FAM149B1: variants seen among roughly 807,000 people sequenced by gnomAD.
FAM149B1 encodes primary cilium assembly protein FAM149B1.
Under a neutral mutation model 75.3 loss-of-function variants are expected in FAM149B1, and 56 were observed. The ratio of observed to expected loss-of-function variants is 0.74; its 90% CI spans 0.60 to 0.93. FAM149B1 has a LOEUF of 0.93. FAM149B1 is among the 40% of genes least tolerant of loss of function. The pLI, the probability that FAM149B1 is intolerant of heterozygous loss-of-function variation, is 0.00. For missense variants in FAM149B1, 639 were observed against 708.4 expected, an observed-to-expected ratio of 0.90 and a Z score of 1.11; for synonymous variants, 259 against 256.1, an observed-to-expected ratio of 1.01 and a Z score of -0.11.
At chr10:73,177,702 G>A (rs887032997) in intron 2 of FAM149B1, 144 bp from the exon 3 acceptor site, 1 of 666,614 alleles carries the variant, frequency 1.5e-6, no homozygotes, top group Non-Finnish European at 2.4e-6. Flanking sequence ...CAAATTTCAA[G>A]TTCTTCATTT....
intron 5 of FAM149B1, among the ~76,000 whole-genome samples, chr10:73,202,689 TTTTG>T (rs533683756): frequency 8.1e-5 from 12 of 148,820 alleles, no homozygotes; most frequent in Admixed American, 1.3e-4. Context: ...CCTTTTTTTG[TTTTG>T]TTTGTTTGTT....
intron 7 of FAM149B1, among the ~76,000 whole-genome samples, chr10:73,219,861 G>C (rs909589785): frequency 6.6e-6 from 1 of 152,026 alleles, no homozygotes; most frequent in Non-Finnish European, 1.5e-5. Flanking sequence ...ACATTCTTTA[G>C]ATATGACACC....
intron 5 of FAM149B1, among the ~76,000 whole-genome samples, chr10:73,202,572 A>C (rs1341376923): frequency 1.3e-5 from 2 of 151,920 alleles, no homozygotes; most frequent in African/African-American, 4.8e-5. Context: ...AGCTGGGATT[A>C]CAGGTGTGAG....
intron 1 of FAM149B1, among the ~76,000 whole-genome samples, chr10:73,173,498 T>A (rs1484582244): frequency 6.6e-6 from 1 of 152,222 alleles, no homozygotes; most frequent in Non-Finnish European, 1.5e-5. Context: ...TATCCACTCT[T>A]GTCTCCATCC....
chr10:73,183,393 T>A (rs2042447056), intron 3 of FAM149B1: 1 of 152,218 alleles, frequency 6.6e-6, no homozygotes, highest in South Asian at 2.1e-4. Flanking sequence ...ATTTGTGGAT[T>A]ATTGTAAAAT....
At chr10:73,230,711 C>T in intron 9 of FAM149B1, 186 bp downstream of exon 9, 1 of 526,700 alleles carries the variant, frequency 1.9e-6, no homozygotes, top group South Asian at 2.2e-5. Flanking sequence ...AAAGAGAAGA[C>T]ATACGTGGGT....
Position 73,228,098 on chromosome 10 carries a change from G to GAA in FAM149B1, c.939_940dup (p.Ser314LysfsTer6), listed in dbSNP as rs1266756034. ...TGTTGCAGTTACCAGACCCGATTCA[G>GAA]AAAGTTCCTGTGTGCTGAGTGAACT... On this transcript the variant is annotated frameshift_variant, in exon 8 of 14. Coordinates refer to ENST00000242505, the MANE Select transcript of FAM149B1 (RefSeq NM_173348.2). LOFTEE classifies it high-confidence loss of function. 2 of 1,551,514 alleles carry GAA rather than the reference G, an allele frequency of 1.3e-6. No individual in the cohort carries two copies. Among genetic ancestry groups the GAA allele is most frequent in the Admixed American group, 3.9e-5 (2 of 50,994 alleles).
At position 73,242,023 on chromosome 10, in the gene FAM149B1, ATCT is replaced by A. The variant is rs1286028826; in HGVS notation, c.*1006_*1008del. 1 of 152,180 alleles carries A rather than the reference ATCT, an allele frequency of 6.6e-6. No homozygotes were observed. Among genetic ancestry groups the A allele is most frequent in the African/African-American group, 2.4e-5 (1 of 41,432 alleles). The allele number at this position is 152,180 out of a possible 1,614,324, so 9.4% of individuals were successfully genotyped here. A position where few individuals can be genotyped will look rare whatever the true frequency, so the allele number is the denominator to read the frequency against. On this transcript the variant is annotated 3_prime_UTR_variant, in exon 14 of 14. Coordinates refer to ENST00000242505, the MANE Select transcript of FAM149B1 (RefSeq NM_173348.2). ...ATCTTGATTGTCATGCCAGTTTTAG[ATCT>A]TATTAATTTTCAGAATGGATAAATT...
chr10:73,241,234 A>C lies in FAM149B1; in HGVS notation c.*215A>C. 1 of 517,848 alleles carries C rather than the reference A, an allele frequency of 1.9e-6. No individual in the cohort carries two copies. The allele number at this position is 517,848 out of a possible 1,614,324, so 32.1% of individuals were successfully genotyped here. A position where few individuals can be genotyped will look rare whatever the true frequency, so the allele number is the denominator to read the frequency against. ...CTCCAGTTACTGTCTCTTTCAGCAG[A>C]AATTAACCTATCCCATTGGAAAGGC... On this transcript the variant is annotated 3_prime_UTR_variant, in exon 14 of 14. Transcript: ENST00000242505.
chr10:73,235,289 C>T lies in FAM149B1; in HGVS notation c.1573C>T (p.Pro525Ser). 6.4e-7 allele frequency: 1 copy of T among 1,552,072 alleles called. No homozygotes were observed. The highest frequency in any genetic ancestry group is 8.7e-7 in the Non-Finnish European group (1 of 1,147,042). The change falls in exon 12 of 14, where the codon CCC becomes TCC. Residue 525 changes from proline (P) to serine (S), a missense_variant. By Grantham distance (74) the Pro-to-Ser change is moderately conservative. Transcript: ENST00000242505. ...AAGGCTCCTTTTGCCCGACTTTTTCCCCAGGCCCAACACAACTCAATCATT... is the reference window on the plus strand; with the variant it reads ...AAGGCTCCTTTTGCCCGACTTTTTCTCCAGGCCCAACACAACTCAATCATT... Reference protein sequence around the residue: ...QERLLLPDFFPRPNTTQSFLL... With the variant: ...QERLLLPDFFSRPNTTQSFLL...
At chr10:73,178,082 T>C in intron 3 of FAM149B1, 107 bp downstream of exon 3, 1 of 1,112,158 alleles carries the variant, frequency 9.0e-7, no homozygotes, top group East Asian at 2.7e-5. Flanking sequence ...TTTCTTTACA[T>C]TTATCATACT....
intron 7 of FAM149B1, among the ~76,000 whole-genome samples, chr10:73,225,748 C>G (rs1158356261): frequency 2.6e-5 from 4 of 152,200 alleles, no homozygotes; most frequent in Non-Finnish European, 5.9e-5. Context: ...CCTGTAAGCT[C>G]CATTCATGAT....
chr10:73,213,736 A>C (rs1036575538), intron 7 of FAM149B1, among the ~76,000 whole-genome samples: 2 of 152,154 alleles, frequency 1.3e-5, no homozygotes, highest in Non-Finnish European at 2.9e-5. Flanking sequence ...CCCTTGTATA[A>C]TTTGAAGTCA....
chr10:73,235,320 TAG>T lies in FAM149B1; in HGVS notation c.1602+5_1602+6del, dbSNP rs1564717180. ...CCCAACACAACTCAATCATTTTTGG[TAG>T]AGTGACGTACTTCCTAGAATGGTCT... On this transcript the variant is annotated splice_donor_region_variant and intron_variant, in intron 12 of 13. Transcript: ENST00000242505. The T allele has an allele frequency of 2.6e-6, 4 of 1,551,902 alleles. No homozygotes were observed. The highest frequency in any genetic ancestry group is 1.7e-4 in the Middle Eastern group (1 of 5,764).
intron 3 of FAM149B1, 107 bp from the exon 4 acceptor site, chr10:73,192,449 A>G: frequency 9.1e-7 from 1 of 1,100,338 alleles, no homozygotes; most frequent in Non-Finnish European, 1.3e-6. Flanking sequence ...TATTTCAAGT[A>G]GACTAAATAT....
chr10:73,193,535 C>T lies in FAM149B1; in HGVS notation c.484C>T (p.Pro162Ser). ...SEGYRLYPRS[P>S]SAVSASYETT... ...AGGTTATAGATTGTATCCTAGATCC[C>T]CTTCTGCTGTTTCCGCTTCATATGA... The change falls in exon 5 of 14, where the codon CCT (proline) becomes TCT (serine). Residue 162 changes from proline to serine, a missense_variant. Pro to Ser is a moderately conservative substitution (Grantham distance 74). Coordinates refer to ENST00000242505, the MANE Select transcript of FAM149B1 (RefSeq NM_173348.2). The T allele has an allele frequency of 6.4e-7, 1 of 1,550,632 alleles. No homozygotes were observed.
chr10:73,200,856 C>T (rs370328026), intron 5 of FAM149B1: 1 of 511,426 alleles, frequency 2.0e-6, no homozygotes. Flanking sequence ...ATACAAGGTG[C>T]AAGGTGGACT....
In FAM149B1 at chr10:73,177,826, C is replaced by T. The variant is rs1844037945; in HGVS notation, c.153-20C>T. 7 of 1,536,704 alleles carry T rather than the reference C, an allele frequency of 4.6e-6. No homozygotes were observed. The South Asian group carries it at 7.2e-5, about 16-fold the overall frequency. ...GAAAAATTTTCTTTTTTCTCTCCTCCTCCCAAATTGTGCCTTTAGCAAGTC... is the reference window on the plus strand; with the variant it reads ...GAAAAATTTTCTTTTTTCTCTCCTCTTCCCAAATTGTGCCTTTAGCAAGTC... On this transcript the variant is annotated intron_variant, in intron 2 of 13. Coordinates refer to ENST00000242505, the MANE Select transcript of FAM149B1 (RefSeq NM_173348.2).
Position 73,168,373 on chromosome 10 carries a change from C to T in FAM149B1, c.34C>T (p.Gln12Ter), listed in dbSNP as rs1843542947. 6.5e-7 allele frequency: 1 copy of T among 1,550,018 alleles called. No homozygotes were observed. The highest frequency in any genetic ancestry group is 8.7e-7 in the Non-Finnish European group (1 of 1,146,824). The change falls in exon 1 of 14, where the codon CAG becomes TAG. Residue 12 changes from glutamine (Q) to a stop codon, truncating the protein, a stop_gained. Transcript: ENST00000242505. LOFTEE classifies it high-confidence loss of function. ...ISRYTRKAVP[Q>*]SLELKGITKH... ...CAGATACACTCGGAAGGCGGTGCCA[C>T]AGAGCTTGGAGCTGTGAGTGGACTG... is the stretch of plus-strand genomic sequence containing the variant.
Sources: allele counts gnomAD v4.1 joint callset (sites outside exome capture counted in the v4.1 genomes callset), GRCh38; gene constraint gnomAD v4.1.1; transcripts MANE v1.5; gene names NCBI Gene and HGNC (gene_info 2026-07-23, HGNC 2026-07-21).